Variants in PARD3 observed in about 807,000 individuals in gnomAD.
PARD3 encodes the protein partitioning defective 3 homolog.
In PARD3, 75 loss-of-function variants were observed where a neutral mutation model predicts 155.4. The ratio of observed to expected loss-of-function variants is 0.48; its 90% confidence interval spans 0.40 to 0.58. The LOEUF (loss-of-function observed/expected upper bound fraction) is 0.58, where lower values mean the gene tolerates loss of function less well. Among genes scored for constraint, PARD3 ranks in the 20% least tolerant of loss-of-function variants. PARD3 has a pLI of 0.00. For missense variants in PARD3, 1,642 were observed against 1,721.7 expected (o/e 0.95, Z 0.82); for synonymous variants, 576 against 610.5 (o/e 0.94, Z 0.83).
intron 12 of PARD3, among the ~76,000 whole-genome samples, chr10:34,367,720 C>T (rs1486044717): frequency 1.3e-5 from 2 of 152,054 alleles, no homozygotes; most frequent in Non-Finnish European, 2.9e-5. Flanking sequence ...CATACACACA[C>T]ACAAACAATA....
At chr10:34,226,743 A>T (rs1176440355) in intron 22 of PARD3, among the ~76,000 whole-genome samples, 2 of 152,210 alleles carry the variant, frequency 1.3e-5, no homozygotes, top group Non-Finnish European at 2.9e-5. Flanking sequence ...TGTCCACAGA[A>T]AAACTTGTAT....
In PARD3 at chr10:34,666,777, T is replaced by TCAAAAAAAA. The variant is rs1554804561; in HGVS notation, c.222+29540_222+29541insTTTTTTTTG. On this transcript the variant is annotated intron_variant, in intron 2 of 24. Coordinates refer to ENST00000374788, the MANE Select transcript of PARD3 (RefSeq NM_001184785.2). ...CTTCCACCTCACCTACCCCTCCCCC[T>TCAAAAAAAA]AAAAAAAAAAAAAAAAAAAATATAT... is the stretch of plus-strand genomic sequence containing the variant. Among the ~76,000 whole-genome samples the TCAAAAAAAA allele has an allele frequency of 9.0e-3, 153 of 16,942 alleles. 16 individuals are homozygous for TCAAAAAAAA. Among genetic ancestry groups the TCAAAAAAAA allele is most frequent in the Middle Eastern group, 0.1 (1 of 10 alleles). The allele number at this position is 16,942 out of a possible 152,430, so 11.1% of individuals were successfully genotyped here.
At chr10:34,422,926 C>A (rs2075396537) in intron 5 of PARD3, among the ~76,000 whole-genome samples, 1 of 152,178 alleles carries the variant, frequency 6.6e-6, no homozygotes, top group African/African-American at 2.4e-5. Flanking sequence ...AATCCCACCA[C>A]TGGGCATGTA....
intron 1 of PARD3, among the ~76,000 whole-genome samples, chr10:34,754,325 A>G (rs1836438752): frequency 6.6e-6 from 1 of 152,210 alleles, no homozygotes; most frequent in Non-Finnish European, 1.5e-5. Flanking sequence ...TTATACTGCT[A>G]GATTAATTTA....
rs555542766 is a variant in PARD3 at position 34,464,057 on chromosome 10, C to T, written c.582+6028G>A. Among the ~76,000 whole-genome samples the T allele has an allele frequency of 6.8e-4, 104 of 151,956 alleles. 1 individual carries two copies. In the South Asian group the frequency reaches 7.9e-3, roughly 12 times the overall value. On this transcript the variant is annotated intron_variant, in intron 4 of 24. Coordinates refer to ENST00000374788, the MANE Select transcript of PARD3 (RefSeq NM_001184785.2). ...CATTAAGCAAGGCATGACTATATTCCTATTTGCTCTCCCTTAAAATGTAAC... is the reference window on the plus strand; with the variant it reads ...CATTAAGCAAGGCATGACTATATTCTTATTTGCTCTCCCTTAAAATGTAAC...
chr10:34,112,175 C>T (rs780514473), intron 24 of PARD3, among the ~76,000 whole-genome samples: 4 of 152,202 alleles, frequency 2.6e-5, no homozygotes, highest in Non-Finnish European at 4.4e-5. Flanking sequence ...TTACACTCTC[C>T]GGGATACCTG....
rs1433923166 is a variant in PARD3 at position 34,359,135 on chromosome 10, TGCA to T, written c.2067+9_2067+11del. On this transcript the variant is annotated intron_variant, in intron 14 of 24. Transcript: ENST00000374788. Reference sequence around the variant, plus strand: ...ACAATTTTAGATACTAGCACTTTTTTGCATTTCTTACCTCATTGCACTTGCTTA... The same window carrying T: ...ACAATTTTAGATACTAGCACTTTTTTTTTCTTACCTCATTGCACTTGCTTA... 3 of 1,602,482 alleles carry T rather than the reference TGCA, an allele frequency of 1.9e-6. No homozygotes were observed. The highest frequency in any genetic ancestry group is 3.4e-5 in the Admixed American group (2 of 58,314).
intron 14 of PARD3, among the ~76,000 whole-genome samples, chr10:34,349,123 G>C (rs1837734421): frequency 6.6e-6 from 1 of 152,122 alleles, no homozygotes; most frequent in Non-Finnish European, 1.5e-5. Context: ...GGGCAGGAGG[G>C]CAGCATCACA....
At position 34,374,955 on chromosome 10, in the gene PARD3, C is replaced by T. The variant is rs780501678; in HGVS notation, c.1587G>A (p.Ser529=). Reference sequence around the variant, plus strand: ...CTTCCATCTTGGTGCTTCTCAACAGCGAAACAACTTCCTCTTGGGATTTGC... The same window carrying T: ...CTTCCATCTTGGTGCTTCTCAACAGTGAAACAACTTCCTCTTGGGATTTGC... ...LVGKSQEEVV[S]LLRSTKMEGT... is the part of the protein sequence containing the mutation. The change falls in exon 11 of 25, where the codon TCG becomes TCA. Residue 529 remains serine (S), a synonymous_variant. Coordinates refer to ENST00000374788, the MANE Select transcript of PARD3 (RefSeq NM_001184785.2). 1.1e-5 allele frequency: 18 copies of T among 1,612,718 alleles called. No homozygotes were observed. The highest frequency in any genetic ancestry group is 3.3e-4 in the Middle Eastern group (2 of 6,082).
chr10:34,193,045 G>C (rs1019085941), intron 22 of PARD3, among the ~76,000 whole-genome samples: 1 of 152,200 alleles, frequency 6.6e-6, no homozygotes, highest in African/African-American at 2.4e-5. Flanking sequence ...TGGAAGTACT[G>C]CTAAGGACAA....
chr10:34,374,784 T>C, intron 11 of PARD3, 90 bp downstream of exon 11: 1 of 1,210,694 alleles, frequency 8.3e-7, no homozygotes, highest in South Asian at 1.4e-5. Flanking sequence ...CCTCAGAAAA[T>C]GTCTCAATAA....
intron 22 of PARD3, among the ~76,000 whole-genome samples, chr10:34,227,692 G>T (rs984651042): frequency 2.0e-5 from 3 of 151,394 alleles, no homozygotes; most frequent in South Asian, 2.1e-4. Context: ...GTGAGGTTGT[G>T]GAGAAAAGGG....
At chr10:34,695,265 A>C (rs1194002106) in intron 2 of PARD3, among the ~76,000 whole-genome samples, 1 of 152,172 alleles carries the variant, frequency 6.6e-6, no homozygotes, top group African/African-American at 2.4e-5. Context: ...TCATGAGGTC[A>C]GGAGTTCAAG....
At chr10:34,794,370 T>A (rs1160376978) in intron 1 of PARD3, among the ~76,000 whole-genome samples, 3 of 152,230 alleles carry the variant, frequency 2.0e-5, no homozygotes, top group African/African-American at 7.2e-5. Flanking sequence ...TCTTCAAATA[T>A]GACATCTCTT....
chr10:34,575,839 T>C (rs191325394), intron 2 of PARD3, among the ~76,000 whole-genome samples: 32 of 152,122 alleles, frequency 2.1e-4, no homozygotes, highest in African/African-American at 7.7e-4. Flanking sequence ...GAGGTTGCAG[T>C]GAGCCAAGAT....
chr10:34,304,008 G>A (rs1957280186), intron 20 of PARD3, among the ~76,000 whole-genome samples: 1 of 152,130 alleles, frequency 6.6e-6, no homozygotes, highest in Non-Finnish European at 1.5e-5. Context: ...GGAAGAGGCA[G>A]GGAATGCGCA....
intron 7 of PARD3, among the ~76,000 whole-genome samples, chr10:34,392,668 G>T (rs1405262768): frequency 6.6e-6 from 1 of 152,128 alleles, no homozygotes; most frequent in African/African-American, 2.4e-5. Flanking sequence ...ACTAATGAGA[G>T]TATGGTAAAT....
chr10:34,111,446 G>A lies in PARD3; in HGVS notation c.3785C>T (p.Ser1262Phe), dbSNP rs552767746. The A allele has an allele frequency of 4.7e-5, 76 of 1,614,146 alleles. No individual in the cohort carries two copies. In the South Asian group the frequency reaches 6.7e-4, roughly 14 times the overall value. The change falls in exon 25 of 25, where the codon TCC becomes TTC. Residue 1262 changes from serine (S) to phenylalanine (F), a missense_variant. Coordinates refer to ENST00000374788, the MANE Select transcript of PARD3 (RefSeq NM_001184785.2). ...ATGTCCTCCCAGGTAGCCGTTCCTG[G>A]AGCCTTGGTAGCTGGAGTACCTGGG... ...ENPRYSSYQG[S>F]RNGYLGGHGF...
chr10:34,426,976 T>C (rs986831095), intron 5 of PARD3, among the ~76,000 whole-genome samples: 9 of 152,258 alleles, frequency 5.9e-5, no homozygotes, highest in African/African-American at 2.2e-4. Context: ...CATTTATCAC[T>C]TCCCCAATCA....
Sources: allele counts gnomAD v4.1 joint callset (sites outside exome capture counted in the v4.1 genomes callset), GRCh38; gene constraint gnomAD v4.1.1; transcripts MANE v1.5; gene names NCBI Gene and HGNC (gene_info 2026-07-23, HGNC 2026-07-21).